ERC1: variants seen among roughly 807,000 people sequenced by gnomAD.
The protein encoded by ERC1 is ELKS/RAB6-interacting/CAST family member 1.
Under a neutral mutation model 132.0 loss-of-function variants are expected in ERC1, and 56 were observed. That is an observed-to-expected ratio of 0.42 (90% CI 0.34 to 0.53). ERC1 has a LOEUF of 0.53. Among genes scored for constraint, ERC1 ranks in the 20% least tolerant of loss-of-function variants. ERC1 has a pLI of 0.03. For synonymous variants in ERC1, 478 were observed against 476.1 expected, an observed-to-expected ratio of 1.00 and a Z score of -0.05; for missense variants, 1,202 against 1,349.9, an observed-to-expected ratio of 0.89 and a Z score of 1.72.
chr12:1,026,478 T>A (rs1049851190), intron 1 of ERC1, among the ~76,000 whole-genome samples: 1 of 152,228 alleles, frequency 6.6e-6, no homozygotes, highest in African/African-American at 2.4e-5. Flanking sequence ...ACTATACAGT[T>A]TTCGTTATTA....
intron 2 of ERC1, among the ~76,000 whole-genome samples, chr12:1,037,776 G>A (rs1565834498): frequency 6.6e-6 from 1 of 152,140 alleles, no homozygotes; most frequent in Non-Finnish European, 1.5e-5. Context: ...CTGGCGCAGT[G>A]GCTCACGTTT....
intron 6 of ERC1, among the ~76,000 whole-genome samples, chr12:1,115,423 A>G (rs1946343449): frequency 6.6e-6 from 1 of 152,248 alleles, no homozygotes; most frequent in South Asian, 2.1e-4. Flanking sequence ...AAATAGTACT[A>G]GGAGGTTTCT....
chr12:1,305,841 T>A (rs2080845129), intron 15 of ERC1, among the ~76,000 whole-genome samples: 1 of 152,182 alleles, frequency 6.6e-6, no homozygotes. Context: ...TGATTGTTGC[T>A]TTTTAGATAT....
intron 15 of ERC1, among the ~76,000 whole-genome samples, chr12:1,352,788 C>G (rs11836774): frequency 0.36 from 54,062 of 152,012 alleles, 9,981 homozygotes; most frequent in African/African-American, 0.4. Flanking sequence ...TTACTTTATT[C>G]TTTCTATTGC....
At chr12:1,402,296 A>G (rs911048577) in intron 16 of ERC1, among the ~76,000 whole-genome samples, 13 of 152,178 alleles carry the variant, frequency 8.5e-5, no homozygotes, top group Admixed American at 3.3e-4. Context: ...TTGGGAGGCC[A>G]AGGCAGGTGG....
At chr12:1,030,506 T>C (rs891390718) in intron 2 of ERC1, among the ~76,000 whole-genome samples, 29 of 152,246 alleles carry the variant, frequency 1.9e-4, no homozygotes, top group African/African-American at 6.3e-4. Context: ...TGCGGATTGG[T>C]TAAGGCCAGG....
intron 14 of ERC1, among the ~76,000 whole-genome samples, chr12:1,269,432 C>T (rs1026792547): frequency 2.6e-5 from 4 of 152,224 alleles, no homozygotes; most frequent in East Asian, 3.9e-4. Context: ...AAGAGCTGAA[C>T]GTGTCTAAGG....
At chr12:1,195,875 G>GCCC (rs5795962) in intron 12 of ERC1, among the ~76,000 whole-genome samples, 14 of 97,742 alleles carry the variant, frequency 1.4e-4, no homozygotes, top group East Asian at 3.5e-4. Flanking sequence ...ACTTATTTCC[G>GCCC]CCCCCCCCCC....
intron 15 of ERC1, among the ~76,000 whole-genome samples, chr12:1,332,934 G>A (rs1566609401): frequency 6.6e-6 from 1 of 152,094 alleles, no homozygotes; most frequent in African/African-American, 2.4e-5. Context: ...TGTTATGTAG[G>A]TAAACTTAGG....
chr12:1,026,576 T>C lies in ERC1; in HGVS notation c.-156-1172T>C, dbSNP rs1279718636. On this transcript the variant is annotated intron_variant, in intron 1 of 18. Transcript: ENST00000360905. ...AGGAATTTTTTCCAGTAATACTTAG[T>C]GGACATTATGTAGTATCCAGTAATC... Among the ~76,000 whole-genome samples the C allele has an allele frequency of 3.3e-5, 5 of 152,358 alleles. No homozygotes were observed. The South Asian group carries it at 1.0e-3, about 32-fold the overall frequency.
At position 1,058,789 on chromosome 12, in the gene ERC1, G is replaced by T. The variant is rs201604493; in HGVS notation, c.670-24375G>T. Among the ~76,000 whole-genome samples the T allele has an allele frequency of 2.7e-3, 350 of 129,848 alleles. 2 individuals are homozygous for T. The highest frequency in any genetic ancestry group is 7.4e-3 in the African/African-American group (254 of 34,470). The allele number at this position is 129,848 out of a possible 152,430, so 85.2% of individuals were successfully genotyped here. A position where few individuals can be genotyped will look rare whatever the true frequency, so the allele number is the denominator to read the frequency against. ...ATCTATAGTTTGCTTTGGAAAGTAT[G>T]TTTTTTTTTTTTTTTTTTAAGAGAC... is the stretch of plus-strand genomic sequence containing the variant. On this transcript the variant is annotated intron_variant, in intron 2 of 18. Coordinates refer to ENST00000360905, the MANE Select transcript of ERC1 (RefSeq NM_178040.4).
chr12:1,387,838 T>A (rs148699180), intron 16 of ERC1, among the ~76,000 whole-genome samples: 43 of 152,312 alleles, frequency 2.8e-4, no homozygotes, highest in African/African-American at 9.9e-4. Context: ...TCCAGGAAAC[T>A]AACACATGGA....
At chr12:1,453,124 G>A (rs954182684) in intron 18 of ERC1, among the ~76,000 whole-genome samples, 1 of 152,110 alleles carries the variant, frequency 6.6e-6, no homozygotes, top group Non-Finnish European at 1.5e-5. Context: ...GGCAGGAGTG[G>A]CTTCTTCATT....
intron 14 of ERC1, among the ~76,000 whole-genome samples, chr12:1,270,490 G>A (rs1594688020): frequency 6.6e-6 from 1 of 152,150 alleles, no homozygotes; most frequent in Admixed American, 6.5e-5. Flanking sequence ...TTACAGGCGT[G>A]AGCCACTGTG....
chr12:1,051,230 G>A (rs966711759), intron 2 of ERC1, among the ~76,000 whole-genome samples: 1 of 152,096 alleles, frequency 6.6e-6, no homozygotes, highest in Non-Finnish European at 1.5e-5. Context: ...GATTTAATTG[G>A]TGTGGGCTAC....
intron 18 of ERC1, among the ~76,000 whole-genome samples, chr12:1,463,646 C>T (rs1156949699): frequency 6.7e-6 from 1 of 148,354 alleles, no homozygotes; most frequent in Non-Finnish European, 1.5e-5. Context: ...AATGTGTGTC[C>T]GTATCAGGAC....
chr12:1,111,011 G>A (rs1171000525), intron 5 of ERC1, among the ~76,000 whole-genome samples: 4 of 151,988 alleles, frequency 2.6e-5, no homozygotes, highest in East Asian at 1.9e-4. Context: ...GCCCTAAGAG[G>A]CTTTTTAATG....
upstream of ERC1, chr12:990,675 G>A (rs1228404646): frequency 6.6e-6 from 1 of 152,228 alleles, no homozygotes; most frequent in Non-Finnish European, 1.5e-5. Flanking sequence ...GAAGCTAAGG[G>A]GCAAAAAACC....
chr12:1,194,740 AC>A, intron 12 of ERC1, among the ~76,000 whole-genome samples: 1 of 152,324 alleles, frequency 6.6e-6, no homozygotes, highest in East Asian at 1.9e-4. Flanking sequence ...GCCATTCAAA[AC>A]TTGTATTCAG....
Sources: allele counts gnomAD v4.1 joint callset (sites outside exome capture counted in the v4.1 genomes callset), GRCh38; gene constraint gnomAD v4.1.1; transcripts MANE v1.5; gene names NCBI Gene and HGNC (gene_info 2026-07-23, HGNC 2026-07-21).